DIS3L2: variants seen among roughly 807,000 people sequenced by gnomAD.
DIS3L2 encodes the protein DIS3 like 3'-5' exoribonuclease 2.
In DIS3L2, 34 loss-of-function variants were observed where a neutral mutation model predicts 97.5. The ratio of observed to expected loss-of-function variants is 0.35; its 90% CI spans 0.27 to 0.46. The LOEUF (loss-of-function observed/expected upper bound fraction) is 0.46, where lower values mean the gene tolerates loss of function less well. DIS3L2 is among the 20% of genes least tolerant of loss of function. The pLI, the probability that DIS3L2 is intolerant of heterozygous loss-of-function variation, is 1.00. For synonymous variants in DIS3L2, 435 were observed against 445.2 expected, an observed-to-expected ratio of 0.98 and a Z score of 0.29; for missense variants, 1,038 against 1,146.0, an observed-to-expected ratio of 0.91 and a Z score of 1.36.
intron 10 of DIS3L2, among the ~76,000 whole-genome samples, chr2:232,237,904 T>C (rs896924205): frequency 6.6e-6 from 1 of 152,112 alleles, no homozygotes; most frequent in South Asian, 2.1e-4. Context: ...GTTCAGGAAA[T>C]GGAAAGAGGT....
At chr2:232,210,134 G>A (rs1692146512) in intron 9 of DIS3L2, among the ~76,000 whole-genome samples, 192 bp from the exon 10 acceptor site, 1 of 152,152 alleles carries the variant, frequency 6.6e-6, no homozygotes, top group Non-Finnish European at 1.5e-5. Context: ...CACAGAGGAA[G>A]AGAAAGTCAC....
intron 5 of DIS3L2, among the ~76,000 whole-genome samples, chr2:232,080,878 G>C (rs1203118333): frequency 7.1e-6 from 1 of 140,026 alleles, no homozygotes; most frequent in Non-Finnish European, 1.5e-5. Flanking sequence ...TCAAGCGTAG[G>C]TAACAAAGTG....
At chr2:232,167,599 G>A (rs1000752166) in intron 9 of DIS3L2, among the ~76,000 whole-genome samples, 2 of 152,088 alleles carry the variant, frequency 1.3e-5, no homozygotes, top group African/African-American at 2.4e-5. Flanking sequence ...AGTCCTATTC[G>A]CCAATTATAT....
chr2:232,229,886 G>A (rs368255757), intron 10 of DIS3L2, among the ~76,000 whole-genome samples: 25 of 152,210 alleles, frequency 1.6e-4, no homozygotes, highest in African/African-American at 5.1e-4. Context: ...GAGGAAAAAA[G>A]AAGAAGAAAA....
chr2:232,128,914 A>T (rs1294738408), intron 6 of DIS3L2, among the ~76,000 whole-genome samples: 1 of 152,216 alleles, frequency 6.6e-6, no homozygotes, highest in Non-Finnish European at 1.5e-5. Context: ...ATTAGAATGT[A>T]ACTTTGTCTG....
chr2:232,056,772 A>C (rs967445596), intron 5 of DIS3L2, among the ~76,000 whole-genome samples: 8 of 152,222 alleles, frequency 5.3e-5, no homozygotes, highest in Non-Finnish European at 7.3e-5. Flanking sequence ...ATAGGTAAAC[A>C]ATATTAAGAG....
chr2:232,338,142 G>C (rs1488743643), downstream of DIS3L2, among the ~76,000 whole-genome samples: 1 of 151,846 alleles, frequency 6.6e-6, no homozygotes, highest in Non-Finnish European at 1.5e-5. Context: ...AAACAGGAGA[G>C]CCCCAAACAG....
intron 13 of DIS3L2, among the ~76,000 whole-genome samples, chr2:232,280,306 A>G (rs894930337): frequency 6.6e-6 from 1 of 152,198 alleles, no homozygotes; most frequent in African/African-American, 2.4e-5. Context: ...GTGGCTTTTA[A>G]ACAGATACCA....
rs757128931 is a variant in DIS3L2, at chr2:232,335,799, C to G, written c.2421C>G (p.Phe807Leu). The part of the protein sequence containing the change: ...CNALALRSHH[F>L]QKVGKKPELT... ...CACTGGCCCTGCGGTCCCACCACTT[C>G]CAGAAGGTGGGCAAGAAGCCGGAAC... Residue 807 changes from phenylalanine (F) to leucine (L), a missense_variant, in exon 20 of 21, where the codon TTC (phenylalanine) becomes TTG (leucine). Coordinates refer to ENST00000325385, the MANE Select transcript of DIS3L2 (RefSeq NM_152383.5). The G allele has an allele frequency of 1.5e-5, 24 of 1,550,570 alleles. No individual in the cohort carries two copies. Among genetic ancestry groups the G allele is most frequent in the Non-Finnish European group, 1.8e-5 (21 of 1,147,022 alleles).
intron 5 of DIS3L2, among the ~76,000 whole-genome samples, chr2:232,046,103 C>T (rs868820763): frequency 3.4e-4 from 52 of 152,276 alleles, no homozygotes; most frequent in Admixed American, 1.3e-3. Context: ...ACACTTGGTG[C>T]GTGGTCATTT....
chr2:232,287,612 CAA>C (rs1694481590), intron 13 of DIS3L2, among the ~76,000 whole-genome samples: 1 of 152,002 alleles, frequency 6.6e-6, no homozygotes, highest in Admixed American at 6.6e-5. Flanking sequence ...AGGCTGCTCT[CAA>C]ACTCATAGCC....
intron 13 of DIS3L2, among the ~76,000 whole-genome samples, chr2:232,266,939 A>G (rs1415271183): frequency 6.6e-6 from 1 of 152,202 alleles, no homozygotes; most frequent in African/African-American, 2.4e-5. Flanking sequence ...TCACCTTTCC[A>G]AGAAGTCAGT....
intron 6 of DIS3L2, among the ~76,000 whole-genome samples, chr2:232,103,209 T>C (rs1697255434): frequency 6.6e-6 from 1 of 152,210 alleles, no homozygotes; most frequent in Non-Finnish European, 1.5e-5. Flanking sequence ...AATAATTTTG[T>C]CTTTTCCTTT....
chr2:231,979,964 A>G (rs1325360778), intron 1 of DIS3L2, among the ~76,000 whole-genome samples: 1 of 152,152 alleles, frequency 6.6e-6, no homozygotes, highest in Non-Finnish European at 1.5e-5. Flanking sequence ...TCTCCTAGTG[A>G]TTTGAAATAC....
intron 8 of DIS3L2, among the ~76,000 whole-genome samples, chr2:232,155,720 G>T (rs1351342997): frequency 6.6e-6 from 1 of 152,160 alleles, no homozygotes; most frequent in Non-Finnish European, 1.5e-5. Flanking sequence ...GCCAGGCGTG[G>T]TGGCTCACGC....
chr2:232,087,445 T>TC (rs765286738), intron 5 of DIS3L2, 42 bp from the exon 6 acceptor site: 15 of 1,451,268 alleles, frequency 1.0e-5, no homozygotes, highest in Admixed American at 2.3e-5. Context: ...TTTTTTTTTT[T>TC]CCTCTCTCAG....
At chr2:232,208,551 T>G (rs1325581971) in intron 9 of DIS3L2, among the ~76,000 whole-genome samples, 1 of 152,234 alleles carries the variant, frequency 6.6e-6, no homozygotes, top group East Asian at 1.9e-4. Flanking sequence ...CCTCAGGTGA[T>G]CTGCCCACCT....
intron 14 of DIS3L2, among the ~76,000 whole-genome samples, chr2:232,323,065 C>T (rs1186290283): frequency 6.6e-6 from 1 of 152,242 alleles, no homozygotes; most frequent in Non-Finnish European, 1.5e-5. Flanking sequence ...GCCCGTGCCA[C>T]CCCTCCTCAG....
Position 232,293,990 on chromosome 2 carries a change from G to A in DIS3L2, c.1660-6050G>A, listed in dbSNP as rs1480886331. Among the ~76,000 whole-genome samples, 2 of 152,204 alleles carry A rather than the reference G, an allele frequency of 1.3e-5. No homozygotes were observed. The highest frequency in any genetic ancestry group is 6.5e-5 in the Admixed American group (1 of 15,280). Reference sequence around the variant, plus strand: ...AGGGCCCGGAGGTGGCAGGGACCAGGCCTGCCTCCACCAAGGCACTGGCTG... The same window carrying A: ...AGGGCCCGGAGGTGGCAGGGACCAGACCTGCCTCCACCAAGGCACTGGCTG... On this transcript the variant is annotated intron_variant, in intron 13 of 20. Transcript: ENST00000325385. This position sits in a 1 kb window ranked among gnomAD's most constrained non-coding sequence, Gnocchi z 4.6.
Sources: allele counts gnomAD v4.1 joint callset (sites outside exome capture counted in the v4.1 genomes callset), GRCh38; gene constraint gnomAD v4.1.1; non-coding constraint Gnocchi (gnomAD v3.1); transcripts MANE v1.5; gene names NCBI Gene and HGNC (gene_info 2026-07-23, HGNC 2026-07-21).